Variants in BRAT1 observed in about 807,000 individuals in gnomAD.
BRAT1 encodes the protein integrator complex assembly factor BRAT1.
In BRAT1, 74 loss-of-function variants were observed where a neutral mutation model predicts 70.6. That is an observed-to-expected ratio of 1.05 (90% confidence interval 0.87 to 1.27). The LOEUF is 1.27. BRAT1 is among the 50% of genes most tolerant of loss of function. BRAT1 has a pLI of 0.00. For missense variants in BRAT1, 1,203 were observed against 1,098.2 expected, an observed-to-expected ratio of 1.10 and a Z score of -1.35; for synonymous variants, 615 against 517.1, an observed-to-expected ratio of 1.19 and a Z score of -2.57.
rs1779005340 is a variant in BRAT1 at position 2,539,820 on chromosome 7, A to C, written c.1464T>G (p.Ser488=). ...ACTGCGGGATGAGGGGGCCGAGATCAGAGCAGCCGGGGGTCTTGGGTGAGC... is the reference window on the plus strand; with the variant it reads ...ACTGCGGGATGAGGGGGCCGAGATCCGAGCAGCCGGGGGTCTTGGGTGAGC... The part of the protein sequence containing the change: ...LLSSPKTPGC[S]DLGPLIPQFL... Residue 488 remains serine (S), a synonymous_variant, in exon 11 of 14, where the codon TCT becomes TCG. Coordinates refer to ENST00000340611, the MANE Select transcript of BRAT1 (RefSeq NM_152743.4). 2 of 1,611,692 alleles carry C rather than the reference A, an allele frequency of 1.2e-6. No individual in the cohort carries two copies. Among genetic ancestry groups the C allele is most frequent in the Non-Finnish European group, 1.7e-6 (2 of 1,179,128 alleles).
At chr7:2,553,993 A>C (rs755673407) in intron 2 of BRAT1, among the ~76,000 whole-genome samples, 29 of 152,140 alleles carry the variant, frequency 1.9e-4, no homozygotes, top group Non-Finnish European at 3.4e-4. Flanking sequence ...TCTTAAACAC[A>C]CTAAATACAA....
chr7:2,540,095 T>C, intron 10 of BRAT1: 1 of 509,732 alleles, frequency 2.0e-6, no homozygotes, highest in Non-Finnish European at 3.4e-6. Flanking sequence ...CACAGTTCAC[T>C]GCAGCCTCCA....
intron 3 of BRAT1, 97 bp from the exon 4 acceptor site, chr7:2,545,153 C>A: frequency 7.5e-7 from 1 of 1,337,082 alleles, no homozygotes; most frequent in South Asian, 1.6e-5. Flanking sequence ...ATCACGAGGT[C>A]AGGAGTTCGA....
intron 3 of BRAT1, among the ~76,000 whole-genome samples, 195 bp from the exon 4 acceptor site, chr7:2,545,251 CT>C (rs2128400116): frequency 6.7e-6 from 1 of 150,186 alleles, no homozygotes; most frequent in African/African-American, 2.5e-5. Flanking sequence ...GTAATCCCAG[CT>C]ACTAAGAAGG....
Position 2,543,301 on chromosome 7 carries a change from C to T in BRAT1, c.826G>A (p.Asp276Asn), listed in dbSNP as rs146546197. 1.8e-4 allele frequency: 290 copies of T among 1,607,748 alleles called. No homozygotes were observed. The African/African-American group carries it at 2.2e-3, about 12-fold the overall frequency. ...VARSPVFSSSDGSLWETVARA... is the reference protein window; with the variant it reads ...VARSPVFSSSNGSLWETVARA... ...GCCACTGTCTCCCACAGGCTGCCGT[C>T]GGAAGAACTGAACACGGGAGAACTG... Residue 276 changes from aspartate to asparagine, a missense_variant, in exon 6 of 14, where the codon GAC (aspartate) becomes AAC (asparagine). Asp to Asn is a conservative substitution (Grantham distance 23). Coordinates refer to ENST00000340611, the MANE Select transcript of BRAT1 (RefSeq NM_152743.4). This position sits in a 1 kb window ranked among gnomAD's most constrained non-coding sequence, Gnocchi z 5.5.
In BRAT1 at chr7:2,554,357, A is replaced by C. The variant is rs1387789919; in HGVS notation, c.75T>G (p.Asp25Glu). Residue 25 changes from aspartate to glutamate, a missense_variant, in exon 2 of 14, where the codon GAT becomes GAG. Coordinates refer to ENST00000340611, the MANE Select transcript of BRAT1 (RefSeq NM_152743.4). ...CCAGGAGCTTCTCCAAACAGGTGTC[A>C]TCTGCCACCGGCTGCCTGGGATCTA... ...VLVDPRQPVA[D>E]DTCLEKLLDW... 1 of 1,614,102 alleles carries C rather than the reference A, an allele frequency of 6.2e-7. No homozygotes were observed. The highest frequency in any genetic ancestry group is 1.7e-5 in the Admixed American group (1 of 60,034).
In BRAT1 at chr7:2,538,055, G is replaced by A. The variant is rs140062589; in HGVS notation, c.*14C>T. On this transcript the variant is annotated 3_prime_UTR_variant, in exon 14 of 14. Transcript: ENST00000340611. The stretch of plus-strand genomic sequence containing the variant: ...CCCTTGGTCCTGAGCCCCAGTGGCA[G>A]ACTCTGGTTCTGCTCAGTAGCAGTC... 1.2e-3 allele frequency: 1,814 copies of A among 1,528,528 alleles called. 23 individuals carry two copies. The African/African-American group carries it at 0.023, about 19-fold the overall frequency. The allele number at this position is 1,528,528 out of a possible 1,614,324, so 94.7% of individuals were successfully genotyped here. A position where few individuals can be genotyped will look rare whatever the true frequency, so the allele number is the denominator to read the frequency against.
intron 3 of BRAT1, among the ~76,000 whole-genome samples, chr7:2,545,319 G>A (rs372648168): frequency 4.1e-5 from 5 of 123,098 alleles, no homozygotes; most frequent in South Asian, 2.9e-4. Context: ...AGCCAAGATC[G>A]CACCACTGCA....
intron 1 of BRAT1, 71 bp from the exon 2 acceptor site, chr7:2,554,518 C>T: frequency 1.3e-6 from 2 of 1,498,680 alleles, no homozygotes; most frequent in East Asian, 2.4e-5. Flanking sequence ...CACAGCAGCC[C>T]ACCATGCCTG....
chr7:2,541,175 C>T (rs1583300772), intron 9 of BRAT1, 123 bp from the exon 10 acceptor site: 22 of 1,375,586 alleles, frequency 1.6e-5, no homozygotes, highest in Non-Finnish European at 2.1e-5. Flanking sequence ...GGCCCCTGCA[C>T]CCCTCAGCCC....
Position 2,539,280 on chromosome 7 carries a change from G to C in BRAT1, c.1669C>G (p.Pro557Ala). The change falls in exon 13 of 14, where the codon CCT becomes GCT. Residue 557 changes from proline to alanine, a missense_variant. Pro to Ala is a conservative substitution (Grantham distance 27, BLOSUM62 -1). Coordinates refer to ENST00000340611, the MANE Select transcript of BRAT1 (RefSeq NM_152743.4). ...PQLALQLLQD[P>A]ESYVRASAVT... ...GCACTCGCTCGGACATAACTCTCAG[G>C]GTCCTGGAGGAGCTGCAGGGCCAGC... is the stretch of plus-strand genomic sequence containing the variant. 1.2e-6 allele frequency: 2 copies of C among 1,612,018 alleles called. 1 individual carries two copies. The highest frequency in any genetic ancestry group is 2.2e-5 in the South Asian group (2 of 91,020).
In BRAT1 at chr7:2,541,443, C is replaced by A; in HGVS notation, c.1176G>T (p.Gly392=). Residue 392 remains glycine (G), a synonymous_variant, in exon 9 of 14, where the codon GGG becomes GGT. Coordinates refer to ENST00000340611, the MANE Select transcript of BRAT1 (RefSeq NM_152743.4). ...AGAGCCGCAGGACAGTCACTGTAGC[C>A]CCCAGTAGAGACGCCTGGGGCCACG... The part of the protein sequence containing the change: ...PSPWPQASLL[G]ATVTVLRLCD... 1 of 1,573,240 alleles carries A rather than the reference C, an allele frequency of 6.4e-7. No individual in the cohort carries two copies. Among genetic ancestry groups the A allele is most frequent in the African/African-American group, 1.3e-5 (1 of 74,318 alleles).
intron 1 of BRAT1, 53 bp from the exon 2 acceptor site, chr7:2,554,500 G>A: frequency 1.9e-6 from 3 of 1,544,224 alleles, no homozygotes; most frequent in East Asian, 2.3e-5. Context: ...GACCCAGCTC[G>A]CTCTAGTCAC....
Position 2,542,211 on chromosome 7 carries a change from A to G in BRAT1, c.924T>C (p.Cys308=). 1 of 1,559,112 alleles carries G rather than the reference A, an allele frequency of 6.4e-7. No homozygotes were observed. The highest frequency in any genetic ancestry group is 8.7e-7 in the Non-Finnish European group (1 of 1,151,346). Residue 308 remains cysteine, a splice_region_variant and synonymous_variant, in exon 7 of 14, where the codon TGT becomes TGC. Transcript: ENST00000340611. ...LALGILKLEH[C]PQALRTQAFQ... is the part of the protein sequence containing the mutation. The stretch of plus-strand genomic sequence containing the variant: ...AGGCCTGGGTCCTCAGTGCCTGTGG[A>G]CTGGAGACAAACGCGAGGTGAGTGC...
intron 10 of BRAT1, 39 bp from the exon 11 acceptor site, chr7:2,539,927 G>A (rs199717809): frequency 1.8e-5 from 25 of 1,388,586 alleles, no homozygotes; most frequent in Admixed American, 8.0e-5. Context: ...CACGGGAGAC[G>A]GAGGGGCAGG....
At chr7:2,554,512 G>A (rs1020792100) in intron 1 of BRAT1, 65 bp from the exon 2 acceptor site, 4 of 1,515,936 alleles carry the variant, frequency 2.6e-6, no homozygotes, top group Non-Finnish European at 3.5e-6. Context: ...TCTAGTCACA[G>A]CAGCCCACCA....
At position 2,541,640 on chromosome 7, in the gene BRAT1, G is replaced by C; in HGVS notation, c.1134+78C>G. On this transcript the variant is annotated intron_variant, in intron 8 of 13. Coordinates refer to ENST00000340611, the MANE Select transcript of BRAT1 (RefSeq NM_152743.4). ...CAAGGGTGCTGGGGCAGCAAGGGGT[G>C]GGGGGCGTCAGCCTACGTTGCGGTC... 7.4e-6 allele frequency: 11 copies of C among 1,486,362 alleles called. 1 individual carries two copies. In the South Asian group the frequency reaches 1.4e-4, roughly 19 times the overall value. The allele number at this position is 1,486,362 out of a possible 1,614,324, so 92.1% of individuals were successfully genotyped here.
rs1779303770 is a variant in BRAT1 at position 2,543,065 on chromosome 7, C to T, written c.923+139G>A. On this transcript the variant is annotated intron_variant, in intron 6 of 13. Transcript: ENST00000340611. The surrounding 1 kb of genome is among the most constrained non-coding windows in gnomAD (Gnocchi z 5.5). ...AAGCTGCCGCGCGCAACCCACGCACCACCCAGTCACACCCCGCACGGCCGC... is the reference window on the plus strand; with the variant it reads ...AAGCTGCCGCGCGCAACCCACGCACTACCCAGTCACACCCCGCACGGCCGC... 9.0e-7 allele frequency: 1 copy of T among 1,116,820 alleles called. No homozygotes were observed. The highest frequency in any genetic ancestry group is 1.3e-6 in the Non-Finnish European group (1 of 797,260). The allele number at this position is 1,116,820 out of a possible 1,614,324, so 69.2% of individuals were successfully genotyped here.
At chr7:2,552,070 G>C (rs1780043887) in intron 2 of BRAT1, among the ~76,000 whole-genome samples, 1 of 85,024 alleles carries the variant, frequency 1.2e-5, no homozygotes, top group African/African-American at 4.7e-5. Flanking sequence ...TTAGAGAAAT[G>C]CATAGTCTTA....
Sources: allele counts gnomAD v4.1 joint callset (sites outside exome capture counted in the v4.1 genomes callset), GRCh38; gene constraint gnomAD v4.1.1; non-coding constraint Gnocchi (gnomAD v3.1); transcripts MANE v1.5; gene names NCBI Gene and HGNC (gene_info 2026-07-23, HGNC 2026-07-21).